CDC42: variants seen among roughly 807,000 people sequenced by gnomAD.
CDC42 encodes cell division cycle 42, also known as cell division control protein 42 homolog.
In CDC42, 1 loss-of-function variant was observed where a neutral mutation model predicts 20.8. The observed-to-expected ratio is 0.05, with a 90% CI of 0.02 to 0.23. The LOEUF (loss-of-function observed/expected upper bound fraction) is 0.23. CDC42 is among the 10% of genes least tolerant of loss of function. CDC42 has a pLI of 1.00. For synonymous variants in CDC42, 72 were observed against 84.8 expected (o/e 0.85, Z 0.83); for missense variants, 49 against 227.9 (o/e 0.21, Z 5.05).
In CDC42 at chr1:22,093,853, C is replaced by G. The variant is rs556986668; in HGVS notation, c.*2336C>G. Reference sequence around the variant, plus strand: ...GCTATATCTTTGTCCTAAAGCAATGCTTGACATGATATGGCTCTAGAAGTA... The same window carrying G: ...GCTATATCTTTGTCCTAAAGCAATGGTTGACATGATATGGCTCTAGAAGTA... On this transcript the variant is annotated 3_prime_UTR_variant, in exon 6 of 6. Coordinates refer to ENST00000656825, the MANE Select transcript of CDC42 (RefSeq NM_001791.4). 6.6e-5 allele frequency among the ~76,000 whole-genome samples: 10 copies of G among 152,264 alleles called. No homozygotes were observed. The East Asian group carries it at 1.7e-3, about 26-fold the overall frequency.
rs1038547899 is a variant in CDC42, at chr1:22,094,147, T to C, written c.*2630T>C. On this transcript the variant is annotated 3_prime_UTR_variant, in exon 6 of 6. Transcript: ENST00000656825. Reference sequence around the variant, plus strand: ...GTCGTGGCTTAGAAGGTGAGTGATATTCTCCAGGGAGTATGATTTAGAGGC... The same window carrying C: ...GTCGTGGCTTAGAAGGTGAGTGATACTCTCCAGGGAGTATGATTTAGAGGC... Among the ~76,000 whole-genome samples the C allele has an allele frequency of 3.3e-5, 5 of 152,074 alleles. No individual in the cohort carries two copies. The highest frequency in any genetic ancestry group is 1.3e-4 in the Admixed American group (2 of 15,266).
chr1:22,077,361 AT>A (rs971287316), intron 1 of CDC42, among the ~76,000 whole-genome samples: 1 of 152,098 alleles, frequency 6.6e-6, no homozygotes. Flanking sequence ...ATTTACAGGG[AT>A]GTTAATAGGC....
rs1009714909 is a variant in CDC42 at position 22,095,731 on chromosome 1, G to T, written c.*4214G>T. 2.0e-5 allele frequency among the ~76,000 whole-genome samples: 3 copies of T among 152,150 alleles called. No homozygotes were observed. The highest frequency in any genetic ancestry group is 4.4e-5 in the Non-Finnish European group (3 of 68,038). ...TATTTTTCTCATTCATGGGTCAGCTGAACTTGTCTCTAGCCTTCAGATTGG... is the reference window on the plus strand; with the variant it reads ...TATTTTTCTCATTCATGGGTCAGCTTAACTTGTCTCTAGCCTTCAGATTGG... On this transcript the variant is annotated 3_prime_UTR_variant, in exon 6 of 6. Transcript: ENST00000656825.
intron 1 of CDC42, among the ~76,000 whole-genome samples, chr1:22,072,221 C>T (rs1042155300): frequency 5.9e-5 from 9 of 151,318 alleles, no homozygotes; most frequent in African/African-American, 2.2e-4. Flanking sequence ...CCTCAGCCTC[C>T]CGAGTAGCTG....
At chr1:22,062,723 C>T (rs1645379343) in intron 1 of CDC42, among the ~76,000 whole-genome samples, 1 of 85,328 alleles carries the variant, frequency 1.2e-5, no homozygotes, top group African/African-American at 5.1e-5. Context: ...GAGACCGTGG[C>T]TCTATTTAAA....
chr1:22,087,775 A>G (rs1410269899), intron 5 of CDC42, among the ~76,000 whole-genome samples: 3 of 152,098 alleles, frequency 2.0e-5, no homozygotes, highest in Non-Finnish European at 4.4e-5. Flanking sequence ...CAGGTAATTC[A>G]TTCATTTTTA....
chr1:22,098,984 C>T lies in CDC42; in HGVS notation c.*7467C>T, dbSNP rs1645774055. Among the ~76,000 whole-genome samples the T allele has an allele frequency of 6.6e-6, 1 of 152,158 alleles. No homozygotes were observed. Among genetic ancestry groups the T allele is most frequent in the Non-Finnish European group, 1.5e-5 (1 of 68,034 alleles). On this transcript the variant is annotated 3_prime_UTR_variant, in exon 6 of 6. Transcript: ENST00000656825. ...ATTTTACCCAGGCTGGTCTCGAACTCCTGAGCTGATCCTCCCACCTCGGCC... is the reference window on the plus strand; with the variant it reads ...ATTTTACCCAGGCTGGTCTCGAACTTCTGAGCTGATCCTCCCACCTCGGCC...
intron 1 of CDC42, among the ~76,000 whole-genome samples, chr1:22,061,822 A>G (rs1409241394): frequency 6.6e-6 from 1 of 151,376 alleles, no homozygotes; most frequent in Non-Finnish European, 1.5e-5. Flanking sequence ...CAGCCTCCCA[A>G]AGTGCTGGGA....
intron 3 of CDC42, among the ~76,000 whole-genome samples, 176 bp from the exon 4 acceptor site, chr1:22,086,263 G>A (rs1485876526): frequency 1.3e-5 from 2 of 152,168 alleles, no homozygotes; most frequent in Non-Finnish European, 2.9e-5. Context: ...TGTTCTGAGT[G>A]CTTGAAGTTT....
At chr1:22,089,643 C>G (rs1263199828) in intron 5 of CDC42, among the ~76,000 whole-genome samples, 1 of 152,162 alleles carries the variant, frequency 6.6e-6, no homozygotes, top group African/African-American at 2.4e-5. Context: ...TATTCAGGGG[C>G]TGAATTCACA....
intron 5 of CDC42, among the ~76,000 whole-genome samples, chr1:22,091,137 A>G (rs186391500): frequency 1.3e-5 from 2 of 152,330 alleles, no homozygotes; most frequent in East Asian, 1.9e-4. Context: ...TGAATGAGCA[A>G]ATGACACATG....
At chr1:22,070,443 CTTTTTTTTTTTTTTTTTTTTTTTT>C (rs567184632) in intron 1 of CDC42, among the ~76,000 whole-genome samples, 2 of 60,306 alleles carry the variant, frequency 3.3e-5, no homozygotes, top group African/African-American at 6.6e-5. Context: ...GCCTTTGCCT[CTTTTTTTTTTTTTTTTTTTTTTTT>C]TTTTTTTTTT....
chr1:22,058,494 T>TG (rs1005278664), intron 1 of CDC42, among the ~76,000 whole-genome samples: 3 of 151,828 alleles, frequency 2.0e-5, no homozygotes, highest in Non-Finnish European at 4.4e-5. Flanking sequence ...AGTTTTTTTT[T>TG]TTTTTGAGAT....
chr1:22,081,950 A>G (rs941360407), intron 3 of CDC42, among the ~76,000 whole-genome samples, 156 bp downstream of exon 3: 11 of 152,200 alleles, frequency 7.2e-5, no homozygotes, highest in African/African-American at 2.4e-4. Flanking sequence ...TGCTTGACCA[A>G]GGAGCAGTCC....
In CDC42 at chr1:22,083,535, G is replaced by T. The variant is rs563551218; in HGVS notation, c.178+1741G>T. Reference sequence around the variant, plus strand: ...CAGGAAAATTGCTTGAACCCAGGGGGCGGAGGTTGCAGTGAGCCGAGATTC... The same window carrying T: ...CAGGAAAATTGCTTGAACCCAGGGGTCGGAGGTTGCAGTGAGCCGAGATTC... On this transcript the variant is annotated intron_variant, in intron 3 of 5. Transcript: ENST00000656825. Among the ~76,000 whole-genome samples the T allele has an allele frequency of 2.0e-5, 3 of 152,070 alleles. No homozygotes were observed. The South Asian group carries it at 6.2e-4, about 32-fold the overall frequency.
At chr1:22,079,508 T>TGA (rs1286794676) in intron 2 of CDC42, among the ~76,000 whole-genome samples, 3 of 151,876 alleles carry the variant, frequency 2.0e-5, no homozygotes, top group African/African-American at 4.8e-5. Flanking sequence ...AATATTGAAG[T>TGA]GAGAGAGAGA....
intron 2 of CDC42, chr1:22,078,893 T>C: frequency 8.0e-7 from 1 of 1,252,526 alleles, no homozygotes; most frequent in Non-Finnish European, 1.0e-6. Context: ...TGACTTTTTT[T>C]TTTTTTTTTT....
At chr1:22,063,272 G>A (rs1166007382) in intron 1 of CDC42, among the ~76,000 whole-genome samples, 1 of 151,818 alleles carries the variant, frequency 6.6e-6, no homozygotes, top group African/African-American at 2.4e-5. Context: ...AGCAATCTGA[G>A]ACTACTACAG....
intron 1 of CDC42, among the ~76,000 whole-genome samples, chr1:22,056,511 A>G (rs755611473): frequency 1.3e-5 from 2 of 152,342 alleles, no homozygotes; most frequent in East Asian, 1.9e-4. Context: ...TCACTACTGT[A>G]TCAGATTCCT....
Sources: gnomAD v4.1 joint callset for allele counts (sites outside exome capture counted in the v4.1 genomes callset) on GRCh38, gnomAD v4.1.1 for gene constraint, MANE v1.5 for transcripts, NCBI Gene and HGNC (gene_info 2026-07-23, HGNC 2026-07-21) for gene names.